The following CD33 variants were observed in gnomAD, a reference collection of about 807,000 sequenced individuals.
The protein encoded by CD33 is myeloid cell surface antigen CD33.
In CD33, 25 loss-of-function variants were observed where a neutral mutation model predicts 31.4. That is an observed-to-expected ratio of 0.80 (90% CI 0.58 to 1.11). CD33 has a LOEUF of 1.11. Among genes scored for constraint, CD33 ranks in the 50% most tolerant of loss-of-function variants. CD33 has a pLI of 0.00. For missense variants in CD33, 407 were observed against 448.1 expected (o/e 0.91, Z 0.83); for synonymous variants, 176 against 180.6 (o/e 0.97, Z 0.20).
upstream of CD33, among the ~76,000 whole-genome samples, chr19:51,224,363 G>C (rs1160022035): frequency 6.6e-6 from 1 of 152,146 alleles, no homozygotes; most frequent in Non-Finnish European, 1.5e-5. Flanking sequence ...GCCATTGTAT[G>C]AGGGTGAAGT....
At chr19:51,235,985 C>G in intron 6 of CD33, 1 of 633,608 alleles carries the variant, frequency 1.6e-6, no homozygotes, top group Non-Finnish European at 2.9e-6. Flanking sequence ...GGTGAAACCC[C>G]GTCTCTACTA....
chr19:51,226,049 C>T lies in CD33; in HGVS notation c.665C>T (p.Thr222Ile). Residue 222 changes from threonine to isoleucine, a missense_variant, in exon 3 of 7, where the codon ACT becomes ATT. By Grantham distance (89) the Thr-to-Ile change is moderately conservative (BLOSUM62 -1). Coordinates refer to ENST00000262262, the MANE Select transcript of CD33 (RefSeq NM_001772.4). ...GTGAAGTTCGCTGGAGCTGGTGTGA[C>T]TACGGAGAGAACCATCCAGCTCAAC... ...CQVKFAGAGV[T>I]TERTIQLNVT... 1.9e-6 allele frequency: 3 copies of T among 1,614,092 alleles called. No homozygotes were observed. Among genetic ancestry groups the T allele is most frequent in the Non-Finnish European group, 1.7e-6 (2 of 1,179,980 alleles).
chr19:51,225,488 T>C lies in CD33; in HGVS notation c.308T>C (p.Leu103Pro). 6.2e-7 allele frequency: 1 copy of C among 1,613,728 alleles called. No individual in the cohort carries two copies. The highest frequency in any genetic ancestry group is 8.5e-7 in the Non-Finnish European group (1 of 1,179,758). ...GATCCCAGTAGGAACAACTGCTCCCTGAGCATCGTAGACGCCAGGAGGAGG... is the reference window on the plus strand; with the variant it reads ...GATCCCAGTAGGAACAACTGCTCCCCGAGCATCGTAGACGCCAGGAGGAGG... Reference protein sequence around the residue: ...LGDPSRNNCSLSIVDARRRDN... With the variant: ...LGDPSRNNCSPSIVDARRRDN... Residue 103 changes from leucine to proline, a missense_variant, in exon 2 of 7, where the codon CTG becomes CCG. Physicochemically the swap from Leu to Pro is moderately conservative, Grantham distance 98. Transcript: ENST00000262262.
Position 51,225,285 on chromosome 19 carries a change from G to C in CD33, c.105G>C (p.Leu35Phe). Reference protein sequence around the residue: ...VQESVTVQEGLCVLVPCTFFH... With the variant: ...VQESVTVQEGFCVLVPCTFFH... ...AGTCAGTGACGGTACAGGAGGGTTTGTGCGTCCTCGTGCCCTGCACTTTCT... is the reference window on the plus strand; with the variant it reads ...AGTCAGTGACGGTACAGGAGGGTTTCTGCGTCCTCGTGCCCTGCACTTTCT... Residue 35 changes from leucine (L) to phenylalanine (F), a missense_variant, in exon 2 of 7, where the codon TTG becomes TTC. Leu to Phe is a conservative substitution (Grantham distance 22, BLOSUM62 0). Coordinates refer to ENST00000262262, the MANE Select transcript of CD33 (RefSeq NM_001772.4). 1 of 1,614,186 alleles carries C rather than the reference G, an allele frequency of 6.2e-7. No homozygotes were observed. Among genetic ancestry groups the C allele is most frequent in the Non-Finnish European group, 8.5e-7 (1 of 1,180,024 alleles).
Position 51,225,803 on chromosome 19 carries a change from A to G in CD33, c.419A>G (p.Asp140Gly), listed in dbSNP as rs749481913. 1 of 1,613,122 alleles carries G rather than the reference A, an allele frequency of 6.2e-7. No individual in the cohort carries two copies. The highest frequency in any genetic ancestry group is 8.5e-7 in the Non-Finnish European group (1 of 1,179,448). ...TGCATCCCCTCTTTCTCCTCACTAG[A>G]CTTGACCCACAGGCCCAAAATCCTC... is the stretch of plus-strand genomic sequence containing the variant. Reference protein sequence around the residue: ...KSPQLSVHVTDLTHRPKILIP... With the variant: ...KSPQLSVHVTGLTHRPKILIP... Residue 140 changes from aspartate to glycine, a missense_variant and splice_region_variant, in exon 3 of 7, where the codon GAC (aspartate) becomes GGC (glycine). By Grantham distance (94) the Asp-to-Gly change is moderately conservative. Coordinates refer to ENST00000262262, the MANE Select transcript of CD33 (RefSeq NM_001772.4).
the CD33 span, chr19:51,211,236 G>A: frequency 6.4e-7 from 1 of 1,568,668 alleles, no homozygotes; most frequent in Non-Finnish European, 8.6e-7. Context: ...CAAAAATCCG[G>A]CTGCAAGTGC....
chr19:51,239,741 CG>C lies in CD33; in HGVS notation c.*57del, dbSNP rs976155041. ...TAGAAGATCCACATCCTCTACAGGTCGGGGACCAAAGGCTGATTCTTGGAGA... is the reference window on the plus strand; with the variant it reads ...TAGAAGATCCACATCCTCTACAGGTCGGGACCAAAGGCTGATTCTTGGAGA... On this transcript the variant is annotated 3_prime_UTR_variant, in exon 7 of 7. Coordinates refer to ENST00000262262, the MANE Select transcript of CD33 (RefSeq NM_001772.4). 1.0e-4 allele frequency: 155 copies of C among 1,485,778 alleles called. No homozygotes were observed. In the African/African-American group the frequency reaches 2.0e-3, roughly 19 times the overall value. The allele number at this position is 1,485,778 out of a possible 1,614,324, so 92.0% of individuals were successfully genotyped here. A position where few individuals can be genotyped will look rare whatever the true frequency, so the allele number is the denominator to read the frequency against.
Position 51,239,681 on chromosome 19 carries a change from C to T in CD33, c.1088C>T (p.Thr363Ile). The T allele has an allele frequency of 6.2e-7, 1 of 1,608,856 alleles. No individual in the cohort carries two copies. Among genetic ancestry groups the T allele is most frequent in the Non-Finnish European group, 8.5e-7 (1 of 1,177,952 alleles). ...TCCACCGAATACTCAGAGGTCAGGA[C>T]CCAGTGAGGAACCCACAAGAGCATC... ...DTSTEYSEVR[T>I]Q Residue 363 changes from threonine to isoleucine, a missense_variant, in exon 7 of 7, where the codon ACC becomes ATC. By Grantham distance (89) the Thr-to-Ile change is moderately conservative. Transcript: ENST00000262262.
At chr19:51,220,172 G>C (rs1479538900), upstream of CD33, among the ~76,000 whole-genome samples, 1 of 152,070 alleles carries the variant, frequency 6.6e-6, no homozygotes, top group Non-Finnish European at 1.5e-5. Flanking sequence ...TCTATTGCTG[G>C]TTCAATCTCA....
At chr19:51,218,881 G>A in the CD33 span, among the ~76,000 whole-genome samples, 2 of 152,070 alleles carry the variant, frequency 1.3e-5, no homozygotes, top group Non-Finnish European at 2.9e-5. Context: ...TCATTAATCT[G>A]TGTGTCTATT....
chr19:51,212,786 G>A, the CD33 span, among the ~76,000 whole-genome samples: 1 of 152,190 alleles, frequency 6.6e-6, no homozygotes, highest in East Asian at 1.9e-4. Flanking sequence ...GAATTGACCA[G>A]TGTCCACCCT....
At chr19:51,233,204 G>A (rs957178231) in intron 4 of CD33, among the ~76,000 whole-genome samples, 1 of 152,344 alleles carries the variant, frequency 6.6e-6, no homozygotes, top group South Asian at 2.1e-4. Context: ...GAGCCTGTGT[G>A]TGAGCACATA....
chr19:51,236,270 G>A (rs1003432423), intron 6 of CD33: 6 of 199,392 alleles, frequency 3.0e-5, no homozygotes, highest in South Asian at 2.7e-4. Context: ...GGAGCAAGGA[G>A]AAAATGGGAC....
chr19:51,235,063 G>A (rs749502479), intron 4 of CD33, 94 bp from the exon 5 acceptor site: 16 of 956,562 alleles, frequency 1.7e-5, no homozygotes, highest in Non-Finnish European at 2.5e-5. Context: ...CCCCATTTTG[G>A]AGGTGAAGTC....
In CD33 at chr19:51,235,503, C is replaced by G. The variant is rs1434131532; in HGVS notation, c.843-92C>G. 4 of 1,493,084 alleles carry G rather than the reference C, an allele frequency of 2.7e-6. No homozygotes were observed. The African/African-American group carries it at 4.2e-5, about 16-fold the overall frequency. 92.5% of individuals were successfully genotyped at this position (1,493,084 alleles called of 1,614,324 possible). A position where few individuals can be genotyped will look rare whatever the true frequency, so the allele number is the denominator to read the frequency against. ...TGAGGGCTCCTGGATTAATCCCACC[C>G]TTTACCTGCCAAAGTCCCTCATTCC... is the stretch of plus-strand genomic sequence containing the variant. On this transcript the variant is annotated intron_variant, in intron 5 of 6. Transcript: ENST00000262262.
At chr19:51,223,256 A>G (rs1259728600), upstream of CD33, among the ~76,000 whole-genome samples, 1 of 152,174 alleles carries the variant, frequency 6.6e-6, no homozygotes, top group African/African-American at 2.4e-5. Flanking sequence ...ATTTTCTATT[A>G]CGTGCCACAT....
the CD33 span, chr19:51,211,754 C>T: frequency 2.6e-4 from 200 of 771,280 alleles, no homozygotes; most frequent in Non-Finnish European, 4.0e-4. Context: ...GTACCTCAGT[C>T]ACCCCTTCCT....
chr19:51,226,673 G>A (rs1981060594), intron 4 of CD33, among the ~76,000 whole-genome samples: 1 of 152,108 alleles, frequency 6.6e-6, no homozygotes, highest in South Asian at 2.1e-4. Context: ...AATCAGATCA[G>A]GGTAATAGCA....
chr19:51,236,588 A>C (rs1160380872), intron 6 of CD33: 1 of 152,308 alleles, frequency 6.6e-6, no homozygotes, highest in African/African-American at 2.4e-5. Context: ...CAGTCTCTCA[A>C]GGGTCAGTAA....
Sources: allele counts gnomAD v4.1 joint callset (sites outside exome capture counted in the v4.1 genomes callset), GRCh38; gene constraint gnomAD v4.1.1; transcripts MANE v1.5; gene names NCBI Gene and HGNC (gene_info 2026-07-23, HGNC 2026-07-21).